FHIT: variants seen among roughly 807,000 people sequenced by gnomAD.
FHIT encodes fragile histidine triad diadenosine triphosphatase.
Under a neutral mutation model 17.9 loss-of-function variants are expected in FHIT, and 19 were observed. That is an observed-to-expected ratio of 1.06 (90% CI 0.74 to 1.56). FHIT has a LOEUF of 1.56. Ranked by LOEUF, FHIT falls within the 40% of genes most tolerant of loss-of-function variation. The probability of loss-of-function intolerance (pLI) is 0.00; values close to 1 mark genes in which losing one functional copy is unlikely to be tolerated. For missense variants in FHIT, 248 were observed against 189.2 expected, an observed-to-expected ratio of 1.31 and a Z score of -1.82; for synonymous variants, 81 against 69.7, an observed-to-expected ratio of 1.16 and a Z score of -0.81.
intron 8 of FHIT, among the ~76,000 whole-genome samples, chr3:59,787,745 C>T (rs1011450395): frequency 6.6e-5 from 10 of 152,198 alleles, no homozygotes; most frequent in African/African-American, 2.4e-4. Context: ...GTAGGCACTA[C>T]TATTAGTCCC....
chr3:60,084,485 G>C (rs1441027773), intron 5 of FHIT, among the ~76,000 whole-genome samples: 1 of 151,954 alleles, frequency 6.6e-6, no homozygotes, highest in Non-Finnish European at 1.5e-5. Context: ...TTAGGATCTA[G>C]GTGGAAAAAC....
At chr3:61,183,238 C>A (rs2038398535) in intron 2 of FHIT, among the ~76,000 whole-genome samples, 1 of 152,264 alleles carries the variant, frequency 6.6e-6, no homozygotes, top group Admixed American at 6.5e-5. Context: ...TTCTATTGCT[C>A]TTAATACCTA....
chr3:60,901,647 C>T (rs1243569741), intron 3 of FHIT, among the ~76,000 whole-genome samples: 3 of 152,206 alleles, frequency 2.0e-5, no homozygotes, highest in African/African-American at 7.2e-5. Context: ...CTAAGTATTA[C>T]CCTCTGCTAA....
At chr3:60,302,427 A>T (rs1452755625) in intron 5 of FHIT, among the ~76,000 whole-genome samples, 1 of 152,072 alleles carries the variant, frequency 6.6e-6, no homozygotes, top group Non-Finnish European at 1.5e-5. Context: ...ATTTATCCCG[A>T]AAAAGACAAC....
At chr3:60,505,766 G>A (rs1279142869) in intron 5 of FHIT, among the ~76,000 whole-genome samples, 6 of 152,182 alleles carry the variant, frequency 3.9e-5, no homozygotes, top group African/African-American at 1.2e-4. Flanking sequence ...CAAACTCTTA[G>A]ATTTCTGCTA....
rs968044758 is a variant in FHIT, at chr3:60,288,621, G to C, written c.103+248239C>G. On this transcript the variant is annotated intron_variant, in intron 5 of 9. Transcript: ENST00000492590. ...TGTGTGTGTGGAGGGGGGTGTGGGT[G>C]TGTGCACGCACACATGCCTGGGTCC... Among the ~76,000 whole-genome samples the C allele has an allele frequency of 6.6e-5, 10 of 151,756 alleles. 1 individual carries two copies. The highest frequency in any genetic ancestry group is 1.5e-5 in the Non-Finnish European group (1 of 67,952).
intron 5 of FHIT, among the ~76,000 whole-genome samples, chr3:60,370,791 C>T (rs952350174): frequency 6.6e-6 from 1 of 152,212 alleles, no homozygotes; most frequent in Non-Finnish European, 1.5e-5. Context: ...TCTCTTCCCT[C>T]CTATCCATTC....
chr3:59,879,423 T>C (rs1703304728), intron 8 of FHIT, among the ~76,000 whole-genome samples: 1 of 152,168 alleles, frequency 6.6e-6, no homozygotes, highest in Non-Finnish European at 1.5e-5. Flanking sequence ...TAACGAGCTA[T>C]ATAGGATCTC....
intron 3 of FHIT, among the ~76,000 whole-genome samples, chr3:61,014,340 GA>G (rs1184056209): frequency 1.3e-5 from 2 of 152,050 alleles, no homozygotes; most frequent in Non-Finnish European, 2.9e-5. Context: ...TTGCTGCCTA[GA>G]ACAGTATGAG....
At chr3:61,038,839 A>C (rs959865992) in intron 3 of FHIT, among the ~76,000 whole-genome samples, 15 of 152,202 alleles carry the variant, frequency 9.9e-5, no homozygotes, top group Non-Finnish European at 1.3e-4. Flanking sequence ...GCAAAATAAA[A>C]ATGCAGGGTC....
intron 5 of FHIT, among the ~76,000 whole-genome samples, chr3:60,073,564 G>A (rs77246665): frequency 0.018 from 2,672 of 152,148 alleles, 41 homozygotes; most frequent in South Asian, 0.069. Flanking sequence ...CAAAAGAGAC[G>A]CTGATATTAA....
intron 1 of FHIT, among the ~76,000 whole-genome samples, chr3:61,233,679 C>T (rs1402414568): frequency 6.6e-6 from 1 of 152,090 alleles, no homozygotes; most frequent in Non-Finnish European, 1.5e-5. Flanking sequence ...CTATAATGAA[C>T]ATATATTATT....
At chr3:60,982,012 C>T (rs1397611171) in intron 3 of FHIT, among the ~76,000 whole-genome samples, 1 of 152,216 alleles carries the variant, frequency 6.6e-6, no homozygotes, top group Non-Finnish European at 1.5e-5. Context: ...TTATTAATTA[C>T]CATCACCTCT....
intron 4 of FHIT, among the ~76,000 whole-genome samples, chr3:60,612,901 C>G (rs2038829567): frequency 1.3e-5 from 2 of 152,112 alleles, no homozygotes; most frequent in Non-Finnish European, 1.5e-5. Context: ...CAGGTAACTG[C>G]CAGCAACGAA....
intron 4 of FHIT, among the ~76,000 whole-genome samples, chr3:60,548,791 T>C (rs2036452981): frequency 6.6e-6 from 1 of 152,216 alleles, no homozygotes; most frequent in Non-Finnish European, 1.5e-5. Context: ...GCACTAGTTT[T>C]AAAACTAGGT....
At chr3:59,861,094 A>T (rs1702383967) in intron 8 of FHIT, among the ~76,000 whole-genome samples, 1 of 152,004 alleles carries the variant, frequency 6.6e-6, no homozygotes, top group Admixed American at 6.6e-5. Flanking sequence ...GCAGGATGAG[A>T]AGAATGGACT....
intron 2 of FHIT, among the ~76,000 whole-genome samples, chr3:61,138,865 T>G (rs2106989093): frequency 6.6e-6 from 1 of 152,108 alleles, no homozygotes; most frequent in Admixed American, 6.5e-5. Context: ...CCAAAGAAAA[T>G]TAACCATTTG....
intron 5 of FHIT, among the ~76,000 whole-genome samples, chr3:60,252,824 A>AC (rs1174002710): frequency 6.6e-4 from 85 of 127,902 alleles, no homozygotes; most frequent in African/African-American, 2.8e-3. Context: ...CCCCTTCTCA[A>AC]CTTAAAAAAA....
At chr3:59,759,233 G>A (rs999795310) in intron 8 of FHIT, among the ~76,000 whole-genome samples, 1 of 151,982 alleles carries the variant, frequency 6.6e-6, no homozygotes, top group Non-Finnish European at 1.5e-5. Flanking sequence ...TTTGCACCCT[G>A]TGGGCAGGGC....
Sources: gnomAD v4.1 joint callset for allele counts (sites outside exome capture counted in the v4.1 genomes callset) on GRCh38, gnomAD v4.1.1 for gene constraint, MANE v1.5 for transcripts, NCBI Gene and HGNC (gene_info 2026-07-23, HGNC 2026-07-21) for gene names.